U2SURP: variants seen among roughly 807,000 people sequenced by gnomAD.
U2SURP encodes U2 snRNP-associated SURP motif-containing protein.
A neutral mutation model predicts 144.9 loss-of-function variants in U2SURP; 9 were observed. That is an observed-to-expected ratio of 0.06 (90% CI 0.04 to 0.11). The LOEUF is 0.11. Ranked by LOEUF, U2SURP falls within the 10% of genes least tolerant of loss-of-function variation. U2SURP has a pLI of 1.00. For missense variants in U2SURP, 724 were observed against 1,226.7 expected (o/e 0.59, Z 6.12); for synonymous variants, 408 against 396.8 (o/e 1.03, Z -0.33).
intron 24 of U2SURP, among the ~76,000 whole-genome samples, chr3:143,046,910 G>A (rs371483176): frequency 8.5e-5 from 9 of 105,440 alleles, no homozygotes; most frequent in African/African-American, 3.4e-4. Context: ...CAGAGGCGCC[G>A]CTCACCTCCC....
intron 24 of U2SURP, among the ~76,000 whole-genome samples, chr3:143,045,933 TTA>T (rs1447754232): frequency 1.8e-4 from 28 of 152,218 alleles, no homozygotes; most frequent in Admixed American, 1.8e-3. Flanking sequence ...CTCATGAGCT[TTA>T]TCCCAGGGCT....
intron 16 of U2SURP, among the ~76,000 whole-genome samples, chr3:143,029,384 A>G (rs1042389750): frequency 1.3e-5 from 2 of 152,188 alleles, no homozygotes; most frequent in African/African-American, 4.8e-5. Context: ...TGCTTACTTC[A>G]TGTCTGTCAC....
chr3:143,047,934 C>A (rs6806551), intron 24 of U2SURP, among the ~76,000 whole-genome samples: 93,971 of 149,980 alleles, frequency 0.63, 29,517 homozygotes, highest in East Asian at 0.73. Context: ...CTTAATCTTT[C>A]ACATACCACT....
intron 26 of U2SURP, among the ~76,000 whole-genome samples, chr3:143,054,212 A>G (rs1417200127): frequency 6.6e-6 from 1 of 152,212 alleles, no homozygotes; most frequent in Non-Finnish European, 1.5e-5. Flanking sequence ...ACATAGGCCA[A>G]AGCTCACCTT....
Position 143,056,421 on chromosome 3 carries a change from C to T in U2SURP, c.3061C>T (p.His1021Tyr). 1.2e-6 allele frequency: 2 copies of T among 1,611,542 alleles called. No individual in the cohort carries two copies. The highest frequency in any genetic ancestry group is 8.5e-7 in the Non-Finnish European group (1 of 1,178,918). The change falls in exon 28 of 28, where the codon CAT becomes TAT. Residue 1021 changes from histidine (H) to tyrosine (Y), a missense_variant. Transcript: ENST00000473835. The part of the protein sequence containing the change: ...RSQSRSPHRS[H>Y]KKSKKNKH ...CCAGTCCAGATCTCCACACAGGTCTCATAAAAAGTCAAAGAAAAACAAACA... is the reference window on the plus strand; with the variant it reads ...CCAGTCCAGATCTCCACACAGGTCTTATAAAAAGTCAAAGAAAAACAAACA...
Position 143,032,813 on chromosome 3 carries a change from G to T in U2SURP, c.1640G>T (p.Arg547Leu). The T allele has an allele frequency of 6.2e-7, 1 of 1,612,680 alleles. No individual in the cohort carries two copies. The highest frequency in any genetic ancestry group is 8.5e-7 in the Non-Finnish European group (1 of 1,179,304). The change falls in exon 17 of 28, where the codon CGG becomes CTG. Residue 547 changes from arginine to leucine, a missense_variant. Physicochemically the swap from Arg to Leu is moderately radical, Grantham distance 102 (BLOSUM62 -2). Transcript: ENST00000473835. ...EQRDKLEEIL[R>L]GLTPRKNDIG... ...AGGGATAAATTGGAAGAAATCTTGC[G>T]GGGATTAACTCCAAGGAAAAATGAT... is the stretch of plus-strand genomic sequence containing the variant.
At chr3:143,001,978 C>T (rs1935555588) in intron 1 of U2SURP, among the ~76,000 whole-genome samples, 1 of 152,242 alleles carries the variant, frequency 6.6e-6, no homozygotes, top group African/African-American at 2.4e-5. Context: ...AAACGCTCTC[C>T]TGTATCTCAG....
At chr3:143,049,235 C>G (rs1195314740) in intron 24 of U2SURP, among the ~76,000 whole-genome samples, 1 of 140,030 alleles carries the variant, frequency 7.1e-6, no homozygotes, top group East Asian at 2.1e-4. Flanking sequence ...CACTGCACTC[C>G]AGTCTGGGCA....
intron 25 of U2SURP, among the ~76,000 whole-genome samples, chr3:143,053,254 GCT>G (rs1934979799): frequency 6.6e-6 from 1 of 152,126 alleles, no homozygotes; most frequent in Non-Finnish European, 1.5e-5. Context: ...TGGGGGAAGA[GCT>G]CTGACTCTAG....
intron 23 of U2SURP, among the ~76,000 whole-genome samples, chr3:143,041,140 G>A (rs1433535128): frequency 6.6e-6 from 1 of 151,750 alleles, no homozygotes; most frequent in Non-Finnish European, 1.5e-5. Context: ...TTGTTTCATA[G>A]TAACTGTGAC....
At chr3:143,054,120 TTTAAGCATATTTTCC>T (rs1255245910) in intron 26 of U2SURP, among the ~76,000 whole-genome samples, 1 of 152,236 alleles carries the variant, frequency 6.6e-6, no homozygotes, top group African/African-American at 2.4e-5. Flanking sequence ...TTGCATCCAA[TTTAAGCATATTTTCC>T]AGTATCTGTG....
In U2SURP at chr3:143,038,931, T is replaced by G; in HGVS notation, c.2355T>G (p.His785Gln). Residue 785 changes from histidine to glutamine, a missense_variant, in exon 23 of 28, where the codon CAT (histidine) becomes CAG (glutamine). By Grantham distance (24) the His-to-Gln change is conservative. Transcript: ENST00000473835. ...TTSKWELFDQ[H>Q]EESEEEENQN... ...CTAAATGGGAATTATTTGACCAGCATGAAGAATCAGAAGAAGAAGAAAATC... is the reference window on the plus strand; with the variant it reads ...CTAAATGGGAATTATTTGACCAGCAGGAAGAATCAGAAGAAGAAGAAAATC... The G allele has an allele frequency of 6.5e-7, 1 of 1,545,228 alleles. No individual in the cohort carries two copies. The highest frequency in any genetic ancestry group is 8.7e-7 in the Non-Finnish European group (1 of 1,147,734).
chr3:143,022,796 AT>A, intron 11 of U2SURP, 56 bp from the exon 12 acceptor site: 5 of 1,472,422 alleles, frequency 3.4e-6, no homozygotes, highest in Non-Finnish European at 4.5e-6. Flanking sequence ...CACCAGAAAA[AT>A]TTTGTTTGGA....
In U2SURP at chr3:143,057,185, T is replaced by A. The variant is rs1326216839; in HGVS notation, c.*735T>A. 1 of 152,504 alleles carries A rather than the reference T, an allele frequency of 6.6e-6. No homozygotes were observed. The highest frequency in any genetic ancestry group is 1.5e-5 in the Non-Finnish European group (1 of 67,932). The allele number at this position is 152,504 out of a possible 1,614,324, so 9.4% of individuals were successfully genotyped here. On this transcript the variant is annotated 3_prime_UTR_variant, in exon 28 of 28. Transcript: ENST00000473835. The stretch of plus-strand genomic sequence containing the variant: ...ATTTCCATACATCCAACCCATGTTC[T>A]GAGCAACTACTTACTTTTAGGGGGA...
chr3:143,045,108 T>C (rs1281470912), intron 24 of U2SURP, among the ~76,000 whole-genome samples: 2 of 152,108 alleles, frequency 1.3e-5, no homozygotes, highest in African/African-American at 4.8e-5. Flanking sequence ...CGGTGGCTCA[T>C]GCCTGTAATC....
intron 4 of U2SURP, among the ~76,000 whole-genome samples, chr3:143,014,780 C>G (rs186988224): frequency 6.6e-6 from 1 of 152,144 alleles, no homozygotes; most frequent in African/African-American, 2.4e-5. Context: ...GAAATTACCT[C>G]AAGTATATAG....
At chr3:143,014,138 C>T (rs1936250276) in intron 3 of U2SURP, among the ~76,000 whole-genome samples, 173 bp from the exon 4 acceptor site, 1 of 151,524 alleles carries the variant, frequency 6.6e-6, no homozygotes, top group Non-Finnish European at 1.5e-5. Context: ...TACTTAACAT[C>T]AGAGTCAAGT....
In U2SURP at chr3:143,016,898, G is replaced by A. The variant is rs968363021; in HGVS notation, c.493G>A (p.Ala165Thr). Residue 165 changes from alanine to threonine, a missense_variant, in exon 6 of 28, where the codon GCA (alanine) becomes ACA (threonine). Ala to Thr is a moderately conservative substitution (Grantham distance 58). This residue lies in a region of U2SURP where 115 missense variants were observed against 258.1 expected (regional missense o/e 0.45). Coordinates refer to ENST00000473835, the MANE Select transcript of U2SURP (RefSeq NM_001080415.2). The part of the protein sequence containing the change: ...GKIYKPSSRF[A>T]DQKNPPNQSS... ...AATCTATAAGCCATCTTCAAGATTT[G>A]CAGATCAAAAAAATCCTCCAAATCA... is the stretch of plus-strand genomic sequence containing the variant. 1 of 1,592,466 alleles carries A rather than the reference G, an allele frequency of 6.3e-7. No individual in the cohort carries two copies. Among genetic ancestry groups the A allele is most frequent in the African/African-American group, 1.4e-5 (1 of 73,220 alleles).
intron 24 of U2SURP, among the ~76,000 whole-genome samples, chr3:143,047,906 C>T (rs1185724315): frequency 4.0e-5 from 6 of 149,868 alleles, no homozygotes; most frequent in African/African-American, 1.5e-4. Context: ...CCCTCCCGGA[C>T]GGGGTCAGAA....
Sources: gnomAD v4.1 joint callset for allele counts (sites outside exome capture counted in the v4.1 genomes callset) on GRCh38, gnomAD v4.1.1 for gene constraint, gnomAD v4.1.1 regional missense constraint, MANE v1.5 for transcripts, NCBI Gene and HGNC (gene_info 2026-07-23, HGNC 2026-07-21) for gene names.